The following MYH8 variants were observed in gnomAD, a reference collection of about 807,000 sequenced individuals.
MYH8 encodes myosin-8.
In MYH8, 168 loss-of-function variants were observed where a neutral mutation model predicts 233.2. That is an observed-to-expected ratio of 0.72 (90% confidence interval 0.64 to 0.82). MYH8 has a LOEUF of 0.82. Among genes scored for constraint, MYH8 ranks in the 40% least tolerant of loss-of-function variants. MYH8 has a pLI of 0.00. For missense variants in MYH8, 1,995 were observed against 2,327.8 expected (o/e 0.86, Z 2.94); for synonymous variants, 785 against 850.6 (o/e 0.92, Z 1.34).
At chr17:10,405,903 G>A in intron 21 of MYH8, 138 bp downstream of exon 21, 1 of 1,034,922 alleles carries the variant, frequency 9.7e-7, no homozygotes, top group Non-Finnish European at 1.5e-6. Context: ...TGAAGCAAAG[G>A]CTGCTGTGTT....
intron 34 of MYH8, 55 bp from the exon 35 acceptor site, chr17:10,394,507 C>G: frequency 6.3e-7 from 1 of 1,585,874 alleles, no homozygotes; most frequent in Non-Finnish European, 8.6e-7. Context: ...TTTGAAGATC[C>G]CAGGAGATGA....
intron 22 of MYH8, among the ~76,000 whole-genome samples, chr17:10,403,385 T>A (rs1262350981): frequency 6.6e-6 from 1 of 152,190 alleles, no homozygotes; most frequent in Non-Finnish European, 1.5e-5. Flanking sequence ...ATTTTTTAAC[T>A]CCCAGTGTTT....
In MYH8 at chr17:10,410,908, C is replaced by G. The variant is rs372242377; in HGVS notation, c.1456G>C (p.Glu486Gln). ...LEQLCINFTN[E>Q]KLQQFFNHHM... Reference sequence around the variant, plus strand: ...TGGTTGAAAAACTGTTGCAGTTTCTCGTTGGTGAAGTTGATGCACAGCTGC... The same window carrying G: ...TGGTTGAAAAACTGTTGCAGTTTCTGGTTGGTGAAGTTGATGCACAGCTGC... Residue 486 changes from glutamate (E) to glutamine (Q), a missense_variant, in exon 15 of 40, where the codon GAG becomes CAG. Around this residue, in one of 3 missense-constraint regions of MYH8, gnomAD observed 479 missense variants for 600.9 expected, o/e 0.80. Coordinates refer to ENST00000403437, the MANE Select transcript of MYH8 (RefSeq NM_002472.3). 1.2e-6 allele frequency: 2 copies of G among 1,613,934 alleles called. No individual in the cohort carries two copies. Among genetic ancestry groups the G allele is most frequent in the Non-Finnish European group, 1.7e-6 (2 of 1,179,990 alleles).
chr17:10,398,068 G>A (rs749902496), intron 30 of MYH8, among the ~76,000 whole-genome samples: 1 of 152,128 alleles, frequency 6.6e-6, no homozygotes, highest in African/African-American at 2.4e-5. Flanking sequence ...TAAACATTAT[G>A]TATGGTTTGG....
chr17:10,412,156 G>A (rs920487720), intron 14 of MYH8, among the ~76,000 whole-genome samples: 1 of 152,178 alleles, frequency 6.6e-6, no homozygotes, highest in Non-Finnish European at 1.5e-5. Context: ...ATATGGTAAC[G>A]TTTTGAAGTC....
chr17:10,405,929 G>A, intron 21 of MYH8, 112 bp downstream of exon 21: 1 of 1,340,438 alleles, frequency 7.5e-7, no homozygotes, highest in African/African-American at 1.4e-5. Context: ...AGTGAGTTCT[G>A]AATTGGGTGA....
intron 39 of MYH8, 36 bp from the exon 40 acceptor site, chr17:10,390,639 T>C (rs1183255176): frequency 6.2e-7 from 1 of 1,608,304 alleles, no homozygotes; most frequent in Admixed American, 1.7e-5. Flanking sequence ...AATTAGACTG[T>C]GTGGTTCTCA....
At chr17:10,397,659 CT>C (rs1444654492) in intron 30 of MYH8, among the ~76,000 whole-genome samples, 1 of 152,136 alleles carries the variant, frequency 6.6e-6, no homozygotes, top group East Asian at 1.9e-4. Flanking sequence ...TGTTGTTTGA[CT>C]TATATATCCA....
chr17:10,400,139 C>T lies in MYH8; in HGVS notation c.3735+251G>A, dbSNP rs2072122605. ...AGTGGCGTGAACCCGGGAGGCGGAG[C>T]TTGCAGTGAGCCGAGATTGCGCCAC... On this transcript the variant is annotated intron_variant, in intron 27 of 39. Transcript: ENST00000403437. This position sits in a 1 kb window ranked among gnomAD's most constrained non-coding sequence, Gnocchi z 4.0. Among the ~76,000 whole-genome samples, 1 of 152,052 alleles carries T rather than the reference C, an allele frequency of 6.6e-6. No homozygotes were observed. The highest frequency in any genetic ancestry group is 6.5e-5 in the Admixed American group (1 of 15,268).
rs898239846 is a variant in MYH8, at chr17:10,415,938, C to T, written c.512-230G>A. ...TTTTGTATTTATTAATTTTTAATTGCGATGAGATACACATAACATAAAATT... is the reference window on the plus strand; with the variant it reads ...TTTTGTATTTATTAATTTTTAATTGTGATGAGATACACATAACATAAAATT... On this transcript the variant is annotated intron_variant, in intron 5 of 39. Transcript: ENST00000403437. This position sits in a 1 kb window ranked among gnomAD's most constrained non-coding sequence, Gnocchi z 4.1. Among the ~76,000 whole-genome samples the T allele has an allele frequency of 4.6e-5, 7 of 152,066 alleles. No individual in the cohort carries two copies. The highest frequency in any genetic ancestry group is 4.1e-4 in the South Asian group (2 of 4,826).
chr17:10,415,434 G>T lies in MYH8; in HGVS notation c.648+38C>A. 1 of 1,613,294 alleles carries T rather than the reference G, an allele frequency of 6.2e-7. No homozygotes were observed. The highest frequency in any genetic ancestry group is 8.5e-7 in the Non-Finnish European group (1 of 1,179,180). ...CATCTGGGACTCCAGATGTCTGAGA[G>T]CCTTGACAGAGGTTTTGACTCTGGC... On this transcript the variant is annotated intron_variant, in intron 7 of 39. Transcript: ENST00000403437. The surrounding 1 kb of genome is among the most constrained non-coding windows in gnomAD (Gnocchi z 4.1).
rs765069274 is a variant in MYH8 at position 10,415,596 on chromosome 17, CAGAGA to C, written c.540-21_540-17del. 208 of 1,613,856 alleles carry C rather than the reference CAGAGA, an allele frequency of 1.3e-4. No individual in the cohort carries two copies. Among genetic ancestry groups the C allele is most frequent in the Non-Finnish European group, 1.6e-4 (187 of 1,179,906 alleles). On this transcript the variant is annotated splice_polypyrimidine_tract_variant and intron_variant, in intron 6 of 39. Coordinates refer to ENST00000403437, the MANE Select transcript of MYH8 (RefSeq NM_002472.3). The surrounding 1 kb of genome is among the most constrained non-coding windows in gnomAD (Gnocchi z 4.1). ...AGATTCTCCGCTGTCAAACAGAAAT[CAGAGA>C]AGAGATCAGAGAACTATGGCCTGCA... is the stretch of plus-strand genomic sequence containing the variant.
At chr17:10,412,819 T>A in intron 12 of MYH8, 91 bp from the exon 13 acceptor site, 3 of 1,212,572 alleles carry the variant, frequency 2.5e-6, no homozygotes, top group South Asian at 1.2e-5. Context: ...ATCTATTATT[T>A]AAATAAAAAG....
intron 15 of MYH8, among the ~76,000 whole-genome samples, chr17:10,409,856 A>G (rs911063732): frequency 6.6e-6 from 1 of 152,204 alleles, no homozygotes; most frequent in Non-Finnish European, 1.5e-5. Flanking sequence ...ATGTATTATT[A>G]TACTTTTTTC....
Position 10,419,948 on chromosome 17 carries a change from C to T in MYH8, c.210+70G>A. Reference sequence around the variant, plus strand: ...CATTGGCAACAGGCTTGGAGATTCCCAGTAAGTTAGGCTTCAACTTTTGAA... The same window carrying T: ...CATTGGCAACAGGCTTGGAGATTCCTAGTAAGTTAGGCTTCAACTTTTGAA... On this transcript the variant is annotated intron_variant, in intron 3 of 39. Transcript: ENST00000403437. This position sits in a 1 kb window ranked among gnomAD's most constrained non-coding sequence, Gnocchi z 4.0. The T allele has an allele frequency of 6.6e-7, 1 of 1,516,082 alleles. No individual in the cohort carries two copies. The highest frequency in any genetic ancestry group is 9.2e-7 in the Non-Finnish European group (1 of 1,092,164). 93.9% of individuals were successfully genotyped at this position (1,516,082 alleles called of 1,614,324 possible).
intron 33 of MYH8, 111 bp from the exon 34 acceptor site, chr17:10,395,552 T>A (rs1168408395): frequency 2.8e-6 from 3 of 1,089,814 alleles, no homozygotes; most frequent in Non-Finnish European, 4.1e-6. Context: ...TTACAAAGTA[T>A]AATACAGTAG....
Position 10,419,051 on chromosome 17 carries a change from C to T in MYH8, c.211-21G>A, listed in dbSNP as rs2072313748. ...AGAGTCTGGTGAGTAAGCAAGAAAC[C>T]AGTTCGTTTTTGTTTGTTTGTTTGA... On this transcript the variant is annotated intron_variant, in intron 3 of 39. Transcript: ENST00000403437. The surrounding 1 kb of genome is among the most constrained non-coding windows in gnomAD (Gnocchi z 4.0). 1 of 1,613,848 alleles carries T rather than the reference C, an allele frequency of 6.2e-7. No homozygotes were observed. Among genetic ancestry groups the T allele is most frequent in the Non-Finnish European group, 8.5e-7 (1 of 1,179,910 alleles).
At chr17:10,410,131 C>T (rs886655768) in intron 15 of MYH8, among the ~76,000 whole-genome samples, 1 of 152,074 alleles carries the variant, frequency 6.6e-6, no homozygotes, top group Non-Finnish European at 1.5e-5. Flanking sequence ...TGGCAAAACA[C>T]CGTCTGTACA....
intron 14 of MYH8, 138 bp from the exon 15 acceptor site, chr17:10,411,085 A>G (rs2072240022): frequency 6.8e-7 from 1 of 1,476,178 alleles, no homozygotes; most frequent in Admixed American, 2.0e-5. Context: ...TCCCTCAAAA[A>G]ATGATCATTG....
Sources: gnomAD v4.1 joint callset for allele counts (sites outside exome capture counted in the v4.1 genomes callset) on GRCh38, gnomAD v4.1.1 for gene constraint, gnomAD v4.1.1 regional missense constraint, Gnocchi (gnomAD v3.1) non-coding constraint, MANE v1.5 for transcripts, NCBI Gene and HGNC (gene_info 2026-07-23, HGNC 2026-07-21) for gene names.